TPSG1: variants seen among roughly 807,000 people sequenced by gnomAD.
TPSG1 encodes tryptase gamma 1.
TPSG1 carries 43 observed loss-of-function variants against 23.8 expected under a neutral mutation model. The ratio of observed to expected loss-of-function variants is 1.81; its 90% CI spans 1.42 to 2.33. The LOEUF (loss-of-function observed/expected upper bound fraction) is 2.33, where lower values mean the gene tolerates loss of function less well. Among genes scored for constraint, TPSG1 ranks in the 30% most tolerant of loss-of-function variants. The pLI, the probability that TPSG1 is intolerant of heterozygous loss-of-function variation, is 0.00. For synonymous variants in TPSG1, 302 were observed against 201.3 expected (o/e 1.50, Z -4.23); for missense variants, 623 against 438.6 (o/e 1.42, Z -3.75).
chr16:1,224,537 C>T, intron 2 of TPSG1, 65 bp downstream of exon 2: 1 of 1,606,610 alleles, frequency 6.2e-7, no homozygotes, highest in South Asian at 1.1e-5. Context: ...GAGAGGGTCA[C>T]CGAGGCCCTC....
chr16:1,224,534 TCAC>T, intron 2 of TPSG1, 65 bp downstream of exon 2: 1 of 1,600,720 alleles, frequency 6.2e-7, no homozygotes, highest in Non-Finnish European at 8.5e-7. Context: ...AAGGAGAGGG[TCAC>T]CGAGGCCCTC....
At position 1,222,673 on chromosome 16, in the gene TPSG1, A is replaced by T. The variant is rs746330255; in HGVS notation, c.490T>A (p.Trp164Arg). The T allele has an allele frequency of 6.4e-7, 1 of 1,574,350 alleles. No homozygotes were observed. Among genetic ancestry groups the T allele is most frequent in the South Asian group, 1.2e-5 (1 of 86,582 alleles). Reference sequence around the variant, plus strand: ...TCACCTCCCTCCCGCGTATAGCCCCAGCCGGTCACCCAGCACCGGATCCCA... The same window carrying T: ...TCACCTCCCTCCCGCGTATAGCCCCTGCCGGTCACCCAGCACCGGATCCCA... ...CPGIRCWVTG[W>R]GYTREGEPLP... The change falls in exon 4 of 6, where the codon TGG becomes AGG. Residue 164 changes from tryptophan to arginine, a missense_variant. By Grantham distance (101) the Trp-to-Arg change is moderately radical. Coordinates refer to ENST00000234798, the MANE Select transcript of TPSG1 (RefSeq NM_012467.4).
At chr16:1,223,628 A>T in intron 2 of TPSG1, 34 bp from the exon 3 acceptor site, 1 of 1,524,932 alleles carries the variant, frequency 6.6e-7, no homozygotes, top group Non-Finnish European at 8.8e-7. Flanking sequence ...CCTGGTGGGG[A>T]TCCCAAGAAA....
chr16:1,222,443 C>T, intron 4 of TPSG1, 102 bp from the exon 5 acceptor site: 2 of 1,264,468 alleles, frequency 1.6e-6, no homozygotes, highest in South Asian at 1.4e-5. Flanking sequence ...CACCACGACC[C>T]TCGTCACGGC....
At position 1,222,221 on chromosome 16, in the gene TPSG1, G is replaced by A; in HGVS notation, c.632C>T (p.Ala211Val). 6.2e-7 allele frequency: 1 copy of A among 1,611,822 alleles called. No homozygotes were observed. Among genetic ancestry groups the A allele is most frequent in the East Asian group, 2.2e-5 (1 of 44,850 alleles). ...CTGGCAGGCATCCCCGGGGCCCCGG[G>A]CACACAGCATGTCGGGCTGAAGGAT... Reference protein sequence around the residue: ...GSILQPDMLCARGPGDACQDD... With the variant: ...GSILQPDMLCVRGPGDACQDD... Residue 211 changes from alanine (A) to valine (V), a missense_variant, in exon 5 of 6, where the codon GCC (alanine) becomes GTC (valine). By Grantham distance (64) the Ala-to-Val change is moderately conservative (BLOSUM62 0). Transcript: ENST00000234798.
chr16:1,224,998 C>T (rs1263088627), intron 1 of TPSG1, among the ~76,000 whole-genome samples: 11 of 152,148 alleles, frequency 7.2e-5, no homozygotes, highest in African/African-American at 4.8e-5. Flanking sequence ...CCCCCAACTC[C>T]CACCCGCACA....
chr16:1,222,578 GC>G (rs1970548245), intron 4 of TPSG1, 73 bp downstream of exon 4: 22 of 1,502,948 alleles, frequency 1.5e-5, no homozygotes, highest in Non-Finnish European at 2.0e-5. Flanking sequence ...GGTAGCATCA[GC>G]ATCCCTCAAG....
In TPSG1 at chr16:1,222,136, G is replaced by A. The variant is rs762448663; in HGVS notation, c.658-40C>T. ...GGCGAGCATTGGGAGCCGAGAAGAT[G>A]GGGAGCCCCTCCCTGGGCTTCAGCC... On this transcript the variant is annotated intron_variant, in intron 5 of 5. Coordinates refer to ENST00000234798, the MANE Select transcript of TPSG1 (RefSeq NM_012467.4). 5 of 1,612,140 alleles carry A rather than the reference G, an allele frequency of 3.1e-6. No homozygotes were observed. In the South Asian group the frequency reaches 4.4e-5, roughly 14 times the overall value.
intron 1 of TPSG1, chr16:1,224,858 C>T (rs931959380): frequency 3.3e-6 from 2 of 613,052 alleles, no homozygotes; most frequent in African/African-American, 1.9e-5. Flanking sequence ...TGGCCTCAGG[C>T]CTGGGCCTCC....
Position 1,223,570 on chromosome 16 carries a change from T to A in TPSG1, c.98A>T (p.Asp33Val), listed in dbSNP as rs2029969498. ...ACCCCCCACGATCCGGCCGCCTGCA[T>A]CCGAAACCTGCGGCCGGCCACACCC... is the stretch of plus-strand genomic sequence containing the variant. ...QPGCGRPQVS[D>V]AGGRIVGGHA... Residue 33 changes from aspartate to valine, a missense_variant, in exon 3 of 6, where the codon GAT becomes GTT. Asp to Val is a radical substitution (Grantham distance 152). Transcript: ENST00000234798. The A allele has an allele frequency of 2.6e-6, 4 of 1,543,278 alleles. No individual in the cohort carries two copies. Among genetic ancestry groups the A allele is most frequent in the Non-Finnish European group, 3.5e-6 (4 of 1,146,664 alleles).
rs1215169538 is a variant in TPSG1, at chr16:1,225,091, GGGT to G, written c.46+113_46+115del. The G allele has an allele frequency of 3.3e-4, 435 of 1,337,190 alleles. 7 individuals carry two copies. In the South Asian group the frequency reaches 4.8e-3, roughly 15 times the overall value. The allele number at this position is 1,337,190 out of a possible 1,614,324, so 82.8% of individuals were successfully genotyped here. ...TTCAGAGGAGACACGGGGCCCCACA[GGGT>G]GGGGACTCAGCATGTTTCTCCGTCT... On this transcript the variant is annotated intron_variant, in intron 1 of 5. Coordinates refer to ENST00000234798, the MANE Select transcript of TPSG1 (RefSeq NM_012467.4).
chr16:1,222,400 G>A (rs573831296), intron 4 of TPSG1, 59 bp from the exon 5 acceptor site: 140 of 1,433,084 alleles, frequency 9.8e-5, no homozygotes, highest in Non-Finnish European at 1.2e-4. Context: ...GCACTGGGGG[G>A]ATGGGAGACC....
intron 2 of TPSG1, chr16:1,223,842 C>G: frequency 5.7e-6 from 3 of 522,618 alleles, no homozygotes; most frequent in Non-Finnish European, 9.9e-6. Context: ...CCAGGGCTCC[C>G]GGAGGCGGTG....
Position 1,221,663 on chromosome 16 carries a change from G to C in TPSG1, c.*125C>G. The C allele has an allele frequency of 1.9e-6, 2 of 1,052,420 alleles. No homozygotes were observed. Among genetic ancestry groups the C allele is most frequent in the Non-Finnish European group, 2.7e-6 (2 of 742,878 alleles). 65.2% of individuals were successfully genotyped at this position (1,052,420 alleles called of 1,614,324 possible). A position where few individuals can be genotyped will look rare whatever the true frequency, so the allele number is the denominator to read the frequency against. ...TCCCATTGACACCTTTGTTTCGTGT[G>C]CTTTTAAATTCAGGTTAAATGTTGC... On this transcript the variant is annotated 3_prime_UTR_variant, in exon 6 of 6. Coordinates refer to ENST00000234798, the MANE Select transcript of TPSG1 (RefSeq NM_012467.4).
At chr16:1,224,950 C>T (rs993206920) in intron 1 of TPSG1, among the ~76,000 whole-genome samples, 1 of 151,898 alleles carries the variant, frequency 6.6e-6, no homozygotes, top group Non-Finnish European at 1.5e-5. Context: ...AACTCCCACC[C>T]GCACCCCCAA....
In TPSG1 at chr16:1,221,962, C is replaced by A; in HGVS notation, c.792G>T (p.Trp264Cys). 15 of 1,612,226 alleles carry A rather than the reference C, an allele frequency of 9.3e-6. No homozygotes were observed. The highest frequency in any genetic ancestry group is 1.3e-5 in the Non-Finnish European group (15 of 1,179,598). The change falls in exon 6 of 6, where the codon TGG (tryptophan) becomes TGT (cysteine). Residue 264 changes from tryptophan (W) to cysteine (C), a missense_variant. Transcript: ENST00000234798. ...CTGATGCTGTGATGTGGCGGCGGAT[C>A]CAGTTCACGTAGGCAGGGACACGAG... is the stretch of plus-strand genomic sequence containing the variant. The part of the protein sequence containing the change: ...VYTRVPAYVN[W>C]IRRHITASGG...
intron 1 of TPSG1, chr16:1,224,906 C>G (rs1002489125): frequency 6.7e-6 from 4 of 594,450 alleles, no homozygotes; most frequent in Admixed American, 3.0e-5. Context: ...AAGAAATCAC[C>G]AGTGTTCTAG....
In TPSG1 at chr16:1,222,372, G is replaced by C; in HGVS notation, c.512-31C>G. ...GTGGGGGGAACAGGCTTCAGAGAAG[G>C]TTGGGGCACCAGGCCCTGCACTGGG... On this transcript the variant is annotated intron_variant, in intron 4 of 5. Coordinates refer to ENST00000234798, the MANE Select transcript of TPSG1 (RefSeq NM_012467.4). 11 of 1,553,516 alleles carry C rather than the reference G, an allele frequency of 7.1e-6. No individual in the cohort carries two copies. In the South Asian group the frequency reaches 1.3e-4, roughly 19 times the overall value.
chr16:1,222,137 G>A (rs1970524132), intron 5 of TPSG1, 41 bp from the exon 6 acceptor site: 1 of 1,612,076 alleles, frequency 6.2e-7, no homozygotes, highest in Non-Finnish European at 8.5e-7. Flanking sequence ...CGAGAAGATG[G>A]GGAGCCCCTC....
Sources: gnomAD v4.1 joint callset for allele counts (sites outside exome capture counted in the v4.1 genomes callset) on GRCh38, gnomAD v4.1.1 for gene constraint, MANE v1.5 for transcripts, NCBI Gene and HGNC (gene_info 2026-07-23, HGNC 2026-07-21) for gene names.